The following LAMA5 variants were observed in gnomAD, a reference collection of about 807,000 sequenced individuals.
LAMA5 encodes the protein laminin subunit alpha-5.
LAMA5 carries 260 observed loss-of-function variants against 433.4 expected under a neutral mutation model. That is an observed-to-expected ratio of 0.60 (90% CI 0.54 to 0.66). The LOEUF (loss-of-function observed/expected upper bound fraction) is 0.66. Among genes scored for constraint, LAMA5 ranks in the 30% least tolerant of loss-of-function variants. The pLI is 0.00. For synonymous variants in LAMA5, 2,620 were observed against 2,226.6 expected, an observed-to-expected ratio of 1.18 and a Z score of -4.97; for missense variants, 5,378 against 5,258.5, an observed-to-expected ratio of 1.02 and a Z score of -0.70.
rs146766389 is a variant in LAMA5 at position 62,319,756 on chromosome 20, C to T, written c.6799G>A (p.Gly2267Ser). The T allele has an allele frequency of 1.4e-4, 223 of 1,549,000 alleles. 2 individuals carry two copies. In the East Asian group the frequency reaches 1.6e-3, roughly 11 times the overall value. The change falls in exon 51 of 80, where the codon GGC (glycine) becomes AGC (serine). Residue 2267 changes from glycine (G) to serine (S), a missense_variant. Physicochemically the swap from Gly to Ser is moderately conservative, Grantham distance 56 (BLOSUM62 0). Transcript: ENST00000252999. ...GCATGGCCCAGTGTGGCCTCGGTGC[C>T]GGCCAGCAATTGGCTCGCCTGGTCT... ...TRDQASQLLA[G>S]TEATLGHAKT...
chr20:62,317,951 G>A (rs1987157415), intron 53 of LAMA5, among the ~76,000 whole-genome samples, 173 bp from the exon 54 acceptor site: 1 of 35,616 alleles, frequency 2.8e-5, no homozygotes, highest in African/African-American at 1.4e-4. Context: ...GGAGGAGGAT[G>A]GAGGGGTAGA....
At position 62,333,947 on chromosome 20, in the gene LAMA5, C is replaced by G. The variant is rs1456606346; in HGVS notation, c.2832G>C (p.Gly944=). 1 of 1,612,398 alleles carries G rather than the reference C, an allele frequency of 6.2e-7. No individual in the cohort carries two copies. The highest frequency in any genetic ancestry group is 1.1e-5 in the South Asian group (1 of 90,976). Residue 944 remains glycine, a synonymous_variant, in exon 23 of 80, where the codon GGG becomes GGC. Transcript: ENST00000252999. ...TGCCCTCCTCTCGCACAGAGACCCG[C>G]CCGCTCACACTCATGGCCCCCCGGT... ...YVNRGAMSVS[G]RVSVREEGRS...
At chr20:62,317,045 AAGG>A in intron 55 of LAMA5, 22 bp from the exon 56 acceptor site, 1 of 1,514,836 alleles carries the variant, frequency 6.6e-7, no homozygotes, top group Non-Finnish European at 8.8e-7. Context: ...GGGAGGGTCG[AAGG>A]AGTGGGTAAG....
chr20:62,362,767 G>A (rs965118951), intron 1 of LAMA5, among the ~76,000 whole-genome samples: 2 of 152,218 alleles, frequency 1.3e-5, no homozygotes, highest in African/African-American at 4.8e-5. Context: ...TGCTCACGGC[G>A]CTAAGGACAA....
Position 62,309,719 on chromosome 20 carries a change from G to A in LAMA5, c.10945C>T (p.Pro3649Ser). The change falls in exon 79 of 80, where the codon CCT becomes TCT. Residue 3649 changes from proline (P) to serine (S), a missense_variant. Transcript: ENST00000252999. ...APAPLYLGGL[P>S]EPMAVQPWPP... Reference sequence around the variant, plus strand: ...CCTTGATCAAGGCCGCACTCACCAGGCAGGCCCCCGAGGTACAGAGGGGCT... The same window carrying A: ...CCTTGATCAAGGCCGCACTCACCAGACAGGCCCCCGAGGTACAGAGGGGCT... The A allele has an allele frequency of 6.3e-7, 1 of 1,595,310 alleles. No homozygotes were observed. Among genetic ancestry groups the A allele is most frequent in the South Asian group, 1.1e-5 (1 of 89,684 alleles).
At chr20:62,334,742 G>A (rs879112400) in intron 20 of LAMA5, 121 bp from the exon 21 acceptor site, 1 of 678,222 alleles carries the variant, frequency 1.5e-6, no homozygotes. Context: ...CAGGGCTCAG[G>A]GCTCAGGGCT....
At chr20:62,330,040 G>C in intron 31 of LAMA5, 124 bp from the exon 32 acceptor site, 1 of 1,365,124 alleles carries the variant, frequency 7.3e-7, no homozygotes, top group Non-Finnish European at 9.7e-7. Flanking sequence ...CACAGGCACG[G>C]GACGTGCCCA....
At chr20:62,309,628 GGGT>G in intron 79 of LAMA5, 85 bp downstream of exon 79, 6 of 561,938 alleles carry the variant, frequency 1.1e-5, no homozygotes, top group Admixed American at 9.6e-5. Flanking sequence ...AGGGGGCAGG[GGGT>G]GGAGGGGTGG....
At chr20:62,321,866 G>A (rs978336413) in intron 48 of LAMA5, among the ~76,000 whole-genome samples, 153 bp downstream of exon 48, 25 of 151,974 alleles carry the variant, frequency 1.6e-4, no homozygotes, top group Non-Finnish European at 2.6e-4. Flanking sequence ...GCTCCTCAGC[G>A]TGGTTGGAGT....
In LAMA5 at chr20:62,338,105, T is replaced by C; in HGVS notation, c.1802A>G (p.Glu601Gly). The C allele has an allele frequency of 4.4e-6, 7 of 1,600,788 alleles. No homozygotes were observed. The highest frequency in any genetic ancestry group is 5.1e-6 in the Non-Finnish European group (6 of 1,172,996). Reference sequence around the variant, plus strand: ...AGGCTGGCATAGGCAGCGGCCGGCCTCATCGCAGCCCTCGGGCAAGGTTCC... The same window carrying C: ...AGGCTGGCATAGGCAGCGGCCGGCCCCATCGCAGCCCTCGGGCAAGGTTCC... The part of the protein sequence containing the change: ...PAGTLPEGCD[E>G]AGRCLCQPEF... The change falls in exon 14 of 80, where the codon GAG becomes GGG. Residue 601 changes from glutamate (E) to glycine (G), a missense_variant. Coordinates refer to ENST00000252999, the MANE Select transcript of LAMA5 (RefSeq NM_005560.6).
At chr20:62,340,005 G>A (rs897402060) in intron 11 of LAMA5, among the ~76,000 whole-genome samples, 1 of 152,178 alleles carries the variant, frequency 6.6e-6, no homozygotes, top group Admixed American at 6.5e-5. Flanking sequence ...CTGTGTGCAG[G>A]GAGCTGGGGT....
intron 1 of LAMA5, 26 bp from the exon 2 acceptor site, chr20:62,362,578 T>G: frequency 1.3e-6 from 2 of 1,494,664 alleles, no homozygotes; most frequent in South Asian, 1.3e-5. Context: ...GAGGGTCAGA[T>G]AGCCGAGAAG....
At position 62,337,583 on chromosome 20, in the gene LAMA5, T is replaced by G. The variant is rs778223379; in HGVS notation, c.2164+7A>C. 7 of 1,597,946 alleles carry G rather than the reference T, an allele frequency of 4.4e-6. No individual in the cohort carries two copies. The South Asian group carries it at 7.8e-5, about 18-fold the overall frequency. ...CACCTGGTGCACACAGCCACCTGCC[T>G]GCTCACCTTCGCAGTAGGGGAAGTT... On this transcript the variant is annotated splice_region_variant and intron_variant, in intron 16 of 79. Transcript: ENST00000252999.
At position 62,330,545 on chromosome 20, in the gene LAMA5, G is replaced by T; in HGVS notation, c.3922C>A (p.Pro1308Thr). The T allele has an allele frequency of 6.3e-7, 1 of 1,585,032 alleles. No individual in the cohort carries two copies. Among genetic ancestry groups the T allele is most frequent in the Admixed American group, 1.8e-5 (1 of 54,544 alleles). ...TCCACGGGGAAGGTGGGGTGGGCTG[G>T]CTGGTAGCCGTGCAGCAGGAAGGCA... is the stretch of plus-strand genomic sequence containing the variant. ...RYAFLLHGYQ[P>T]AHPTFPVEVL... Residue 1308 changes from proline to threonine, a missense_variant, in exon 31 of 80, where the codon CCA becomes ACA. By Grantham distance (38) the Pro-to-Thr change is conservative (BLOSUM62 -1). Coordinates refer to ENST00000252999, the MANE Select transcript of LAMA5 (RefSeq NM_005560.6).
chr20:62,313,237 C>A lies in LAMA5; in HGVS notation c.8806G>T (p.Gly2936Trp). The stretch of plus-strand genomic sequence containing the variant: ...GAGCCGTCCGTGAGCCACGGGTCCC[C>A]GGTCGACTTGGAGCTGCAGGTCGGA... ...DRPCARSKST[G>W]DPWLTDGSYL... The change falls in exon 65 of 80, where the codon GGG becomes TGG. Residue 2936 changes from glycine (G) to tryptophan (W), a missense_variant. Coordinates refer to ENST00000252999, the MANE Select transcript of LAMA5 (RefSeq NM_005560.6). 7.9e-7 allele frequency: 1 copy of A among 1,271,282 alleles called. No individual in the cohort carries two copies. The highest frequency in any genetic ancestry group is 1.0e-6 in the Non-Finnish European group (1 of 985,942). 78.8% of individuals were successfully genotyped at this position (1,271,282 alleles called of 1,614,324 possible).
Position 62,328,998 on chromosome 20 carries a change from ATAG to A in LAMA5, c.4290_4292del (p.Tyr1431del), listed in dbSNP as rs1555877175. On this transcript the variant is annotated inframe_deletion, in exon 34 of 80. Transcript: ENST00000252999. ...AGCCACATGGACGGGCTCCGTTGTT[ATAG>A]AAGAGGGAGAGGGAAGCAGCAGCGT... 4 of 1,612,642 alleles carry A rather than the reference ATAG, an allele frequency of 2.5e-6. No individual in the cohort carries two copies. The highest frequency in any genetic ancestry group is 3.4e-6 in the Non-Finnish European group (4 of 1,179,840).
In LAMA5 at chr20:62,318,998, G is replaced by C. The variant is rs149973281; in HGVS notation, c.6887C>G (p.Thr2296Arg). ...DRTLSELMSQTGHLGLANASA... is the reference protein window; with the variant it reads ...DRTLSELMSQRGHLGLANASA... Reference sequence around the variant, plus strand: ...GGCATTGGCCAGCCCCAGGTGGCCCGTCTGGGACATGAGCTCTGTGGGGCA... The same window carrying C: ...GGCATTGGCCAGCCCCAGGTGGCCCCTCTGGGACATGAGCTCTGTGGGGCA... The change falls in exon 52 of 80, where the codon ACG becomes AGG. Residue 2296 changes from threonine (T) to arginine (R), a missense_variant. Transcript: ENST00000252999. 6.3e-7 allele frequency: 1 copy of C among 1,586,000 alleles called. No homozygotes were observed. Among genetic ancestry groups the C allele is most frequent in the South Asian group, 1.1e-5 (1 of 88,152 alleles).
chr20:62,321,997 A>G, intron 48 of LAMA5, 22 bp downstream of exon 48: 1 of 1,594,528 alleles, frequency 6.3e-7, no homozygotes, highest in East Asian at 2.2e-5. Flanking sequence ...AGGTGTGGGG[A>G]AGTGGGGTGT....
rs1986775155 is a variant in LAMA5, at chr20:62,314,875, T to C, written c.8120A>G (p.Asn2707Ser). 2 of 1,612,216 alleles carry C rather than the reference T, an allele frequency of 1.2e-6. No homozygotes were observed. Among genetic ancestry groups the C allele is most frequent in the Non-Finnish European group, 1.7e-6 (2 of 1,179,854 alleles). The part of the protein sequence containing the change: ...LSILENRGVH[N>S]ASLALSASIG... ...GCTGGCGGACAGGGCCAGGCTGGCG[T>C]TGTGCACCCCACGGTTCTCCAGGAT... Residue 2707 changes from asparagine (N) to serine (S), a missense_variant, in exon 60 of 80, where the codon AAC becomes AGC. By Grantham distance (46) the Asn-to-Ser change is conservative. Transcript: ENST00000252999.
Sources: gnomAD v4.1 joint callset for allele counts (sites outside exome capture counted in the v4.1 genomes callset) on GRCh38, gnomAD v4.1.1 for gene constraint, MANE v1.5 for transcripts, NCBI Gene and HGNC (gene_info 2026-07-23, HGNC 2026-07-21) for gene names.